KCNMB2: variants seen among roughly 807,000 people sequenced by gnomAD.
KCNMB2 encodes calcium-activated potassium channel subunit beta-2.
A neutral mutation model predicts 24.5 loss-of-function variants in KCNMB2; 9 were observed. The observed-to-expected ratio is 0.37, with a 90% CI of 0.22 to 0.64. KCNMB2 has a LOEUF of 0.64. Among genes scored for constraint, KCNMB2 ranks in the 30% least tolerant of loss-of-function variants. KCNMB2 has a pLI of 0.63. For missense variants in KCNMB2, 226 were observed against 284.3 expected (o/e 0.79, Z 1.47); for synonymous variants, 109 against 104.4 (o/e 1.04, Z -0.27).
intron 1 of KCNMB2, among the ~76,000 whole-genome samples, chr3:178,726,642 TACAGACCAGAG>T (rs1722976223): frequency 6.6e-6 from 1 of 152,032 alleles, no homozygotes; most frequent in Non-Finnish European, 1.5e-5. Context: ...GAATTGCTTT[TACAGACCAGAG>T]TCTGCTCCAT....
At chr3:178,642,171 T>A (rs1484204729) in intron 1 of KCNMB2, among the ~76,000 whole-genome samples, 1 of 152,214 alleles carries the variant, frequency 6.6e-6, no homozygotes, top group African/African-American at 2.4e-5. Flanking sequence ...CAGCAAGTGA[T>A]TACTACAGAA....
chr3:178,579,129 A>G (rs1208913903), intron 1 of KCNMB2, among the ~76,000 whole-genome samples: 1 of 152,158 alleles, frequency 6.6e-6, no homozygotes, highest in Non-Finnish European at 1.5e-5. Context: ...TGGAAGTAAA[A>G]CACTCCTCAG....
chr3:178,635,877 C>T (rs1719502200), intron 1 of KCNMB2, among the ~76,000 whole-genome samples: 1 of 152,052 alleles, frequency 6.6e-6, no homozygotes, highest in African/African-American at 2.4e-5. Flanking sequence ...TGTTCATTAC[C>T]TACTAATTCA....
intron 1 of KCNMB2, among the ~76,000 whole-genome samples, chr3:178,687,161 A>C (rs1018317898): frequency 6.6e-6 from 1 of 152,110 alleles, no homozygotes; most frequent in African/African-American, 2.4e-5. Flanking sequence ...ATAGGAACTA[A>C]GAAAACTATA....
At chr3:178,633,436 C>T (rs1436022410) in intron 1 of KCNMB2, among the ~76,000 whole-genome samples, 2 of 152,220 alleles carry the variant, frequency 1.3e-5, no homozygotes, top group Non-Finnish European at 2.9e-5. Context: ...GACTTCTGTG[C>T]ACCTGCAGGC....
At chr3:178,813,525 A>G (rs1002629472) in intron 2 of KCNMB2, among the ~76,000 whole-genome samples, 1 of 152,130 alleles carries the variant, frequency 6.6e-6, no homozygotes, top group Non-Finnish European at 1.5e-5. Flanking sequence ...AGTTGCTGAT[A>G]GATTTGTTTT....
chr3:178,595,071 A>AAG (rs1183882004), intron 1 of KCNMB2, among the ~76,000 whole-genome samples: 1 of 151,684 alleles, frequency 6.6e-6, no homozygotes, highest in East Asian at 1.9e-4. Flanking sequence ...AAAAAAAAAA[A>AAG]AAAATCAATA....
chr3:178,706,003 C>T (rs904698289), intron 1 of KCNMB2, among the ~76,000 whole-genome samples: 8 of 152,124 alleles, frequency 5.3e-5, no homozygotes, highest in Admixed American at 1.3e-4. Context: ...ACCCACACAT[C>T]AGACCAAGAC....
intron 1 of KCNMB2, among the ~76,000 whole-genome samples, chr3:178,597,778 G>T (rs1323180176): frequency 6.6e-6 from 1 of 152,060 alleles, no homozygotes; most frequent in Non-Finnish European, 1.5e-5. Flanking sequence ...GTTGTGTTTG[G>T]CAAGCTTATA....
chr3:178,782,763 T>C (rs1386632120), intron 1 of KCNMB2, among the ~76,000 whole-genome samples: 1 of 151,518 alleles, frequency 6.6e-6, no homozygotes, highest in Non-Finnish European at 1.5e-5. Context: ...CTGATGGTAG[T>C]TTCTTTTGCT....
chr3:178,717,843 A>G (rs2108355410), intron 1 of KCNMB2, among the ~76,000 whole-genome samples: 1 of 152,088 alleles, frequency 6.6e-6, no homozygotes, highest in Admixed American at 6.5e-5. Flanking sequence ...ATGGGAACTT[A>G]GGCAGGAAGG....
intron 1 of KCNMB2, among the ~76,000 whole-genome samples, chr3:178,745,313 G>A (rs1723627371): frequency 1.3e-5 from 2 of 152,194 alleles, no homozygotes; most frequent in Admixed American, 6.5e-5. Context: ...GCAGCAAAGA[G>A]AGAGAACTCG....
At chr3:178,630,678 C>T (rs1719288074) in intron 1 of KCNMB2, among the ~76,000 whole-genome samples, 1 of 152,180 alleles carries the variant, frequency 6.6e-6, no homozygotes, top group Admixed American at 6.5e-5. Context: ...AGATACCATG[C>T]CATTCCCTCC....
chr3:178,542,423 T>A (rs1377358520), intron 1 of KCNMB2, among the ~76,000 whole-genome samples: 1 of 152,218 alleles, frequency 6.6e-6, no homozygotes, highest in African/African-American at 2.4e-5. Flanking sequence ...ACTATTGTTA[T>A]TTAATCTTCA....
chr3:178,540,872 T>C (rs1715594754), intron 1 of KCNMB2, among the ~76,000 whole-genome samples: 2 of 152,236 alleles, frequency 1.3e-5, no homozygotes, highest in Admixed American at 1.3e-4. Context: ...TCCTCAGTTG[T>C]AAACTCTATG....
At chr3:178,797,562 T>C (rs1272924705) in intron 1 of KCNMB2, among the ~76,000 whole-genome samples, 1 of 152,190 alleles carries the variant, frequency 6.6e-6, no homozygotes, top group East Asian at 1.9e-4. Context: ...GATGCATGGA[T>C]GGTTCAACAT....
At chr3:178,578,837 A>G (rs1447053664) in intron 1 of KCNMB2, among the ~76,000 whole-genome samples, 2 of 152,234 alleles carry the variant, frequency 1.3e-5, no homozygotes, top group African/African-American at 4.8e-5. Context: ...TCCTAAATAT[A>G]TATGCACCCA....
chr3:178,590,060 T>C (rs1269548205), intron 1 of KCNMB2, among the ~76,000 whole-genome samples: 1 of 152,194 alleles, frequency 6.6e-6, no homozygotes, highest in Non-Finnish European at 1.5e-5. Context: ...CCCAGAAGTA[T>C]GACAGTGAGA....
Position 178,620,675 on chromosome 3 carries a change from A to C in KCNMB2, c.-68+83964A>C, listed in dbSNP as rs148769363. Reference sequence around the variant, plus strand: ...TCATACCATCATTTTACACGTTAGGATTTCAACATAATGTATTTTGGGGAA... The same window carrying C: ...TCATACCATCATTTTACACGTTAGGCTTTCAACATAATGTATTTTGGGGAA... On this transcript the variant is annotated intron_variant, in intron 1 of 4. Coordinates refer to ENST00000452583, the MANE Select transcript of KCNMB2 (RefSeq NM_181361.3). Among the ~76,000 whole-genome samples the C allele has an allele frequency of 9.0e-3, 1,367 of 152,294 alleles. 20 individuals are homozygous for C. The highest frequency in any genetic ancestry group is 0.032 in the African/African-American group (1,313 of 41,560).
Sources: allele counts gnomAD v4.1 joint callset (sites outside exome capture counted in the v4.1 genomes callset), GRCh38; gene constraint gnomAD v4.1.1; transcripts MANE v1.5; gene names NCBI Gene and HGNC (gene_info 2026-07-23, HGNC 2026-07-21).